The following CHD4 variants were observed in gnomAD, a reference collection of about 807,000 sequenced individuals.
CHD4 encodes the protein ATP-dependent chromatin remodeler CHD4.
CHD4 carries 35 observed loss-of-function variants against 235.5 expected under a neutral mutation model. That is an observed-to-expected ratio of 0.15 (90% CI 0.11 to 0.20). The LOEUF (loss-of-function observed/expected upper bound fraction) is 0.20. CHD4 is among the 10% of genes least tolerant of loss of function. CHD4 has a pLI of 1.00. For missense variants in CHD4, 1,329 were observed against 2,432.3 expected (o/e 0.55, Z 9.54); for synonymous variants, 900 against 850.2 (o/e 1.06, Z -1.02).
chr12:6,599,927 T>C lies in CHD4; in HGVS notation c.1328A>G (p.Glu443Gly). ...ILEEVGGDLE[E>G]EDDHHMEFCR... The stretch of plus-strand genomic sequence containing the variant: ...GAATTCCATATGGTGGTCATCCTCC[T>C]CTTCGAGGTCTCCCCCAACCTCTTC... The change falls in exon 10 of 40, where the codon GAG becomes GGG. Residue 443 changes from glutamate to glycine, a missense_variant. Physicochemically the swap from Glu to Gly is moderately conservative, Grantham distance 98 (BLOSUM62 -2). Transcript: ENST00000544040. 6.2e-7 allele frequency: 1 copy of C among 1,614,180 alleles called. No individual in the cohort carries two copies. Among genetic ancestry groups the C allele is most frequent in the Non-Finnish European group, 8.5e-7 (1 of 1,180,028 alleles).
rs1410197973 is a variant in CHD4, at chr12:6,602,499, T to C, written c.101-2A>G. The C allele has an allele frequency of 1.9e-6, 3 of 1,611,062 alleles. No individual in the cohort carries two copies. Among genetic ancestry groups the C allele is most frequent in the Admixed American group, 1.7e-5 (1 of 59,172 alleles). On this transcript the variant is annotated splice_acceptor_variant, in intron 2 of 39. Transcript: ENST00000544040. LOFTEE classifies it high-confidence loss of function. ...CCTCTTCTGGGTCCTCTTCATTTTC[T>C]ACATATATTTGGCAAAGAGTGGTAG...
chr12:6,581,760 C>A lies in CHD4; in HGVS notation c.4570G>T (p.Val1524Leu). 1 of 1,591,354 alleles carries A rather than the reference C, an allele frequency of 6.3e-7. No individual in the cohort carries two copies. The highest frequency in any genetic ancestry group is 8.6e-7 in the Non-Finnish European group (1 of 1,168,360). Residue 1524 changes from valine (V) to leucine (L), a missense_variant, in exon 31 of 40, where the codon GTG becomes TTG. Physicochemically the swap from Val to Leu is conservative, Grantham distance 32 (BLOSUM62 1). Coordinates refer to ENST00000544040, the MANE Select transcript of CHD4 (RefSeq NM_001273.5). ...TGGGACATCTTCTTGTTTTCCTCCA[C>A]CTCAGCCAGTTCAGGCATGCTCCAG... ...GRWSMPELAE[V>L]EENKKMSQPG...
chr12:6,599,307 T>C (rs1948550007), intron 10 of CHD4, among the ~76,000 whole-genome samples: 1 of 151,954 alleles, frequency 6.6e-6, no homozygotes, highest in Non-Finnish European at 1.5e-5. Flanking sequence ...TGTGGTGGCA[T>C]GCACCAGTAC....
chr12:6,577,537 CCAAA>C (rs773882148), intron 37 of CHD4, among the ~76,000 whole-genome samples: 48 of 152,252 alleles, frequency 3.2e-4, no homozygotes, highest in Admixed American at 7.2e-4. Flanking sequence ...GCAGTGTTCC[CCAAA>C]CAAACCCCTC....
intron 37 of CHD4, among the ~76,000 whole-genome samples, chr12:6,573,858 T>A (rs1948021539): frequency 6.6e-6 from 1 of 152,000 alleles, no homozygotes; most frequent in African/African-American, 2.4e-5. Flanking sequence ...ACCCCGTCTC[T>A]ACTAAAAACA....
intron 12 of CHD4, 81 bp downstream of exon 12, chr12:6,597,813 A>T: frequency 8.1e-7 from 1 of 1,231,318 alleles, no homozygotes; most frequent in Non-Finnish European, 1.2e-6. Flanking sequence ...AGTCTAAGTT[A>T]CTGGTGACAG....
At chr12:6,589,419 A>G (rs995908830) in intron 22 of CHD4, among the ~76,000 whole-genome samples, 1 of 152,222 alleles carries the variant, frequency 6.6e-6, no homozygotes, top group Non-Finnish European at 1.5e-5. Flanking sequence ...TCAAGTCATT[A>G]CCAGTAAGGG....
In CHD4 at chr12:6,570,444, C is replaced by T. The variant is rs912531996; in HGVS notation, c.*232G>A. 7 of 571,610 alleles carry T rather than the reference C, an allele frequency of 1.2e-5. No homozygotes were observed. Among genetic ancestry groups the T allele is most frequent in the African/African-American group, 3.8e-5 (2 of 53,070 alleles). 35.4% of individuals were successfully genotyped at this position (571,610 alleles called of 1,614,324 possible). On this transcript the variant is annotated 3_prime_UTR_variant, in exon 40 of 40. Coordinates refer to ENST00000544040, the MANE Select transcript of CHD4 (RefSeq NM_001273.5). ...GAAGCCAGGGTCCAGAAGGCCAGCC[C>T]GCCAGCTCCTGCAGATGGCGCCAGC...
chr12:6,587,265 T>A (rs1236128228), intron 25 of CHD4, 119 bp downstream of exon 25: 1 of 944,320 alleles, frequency 1.1e-6, no homozygotes, highest in Non-Finnish European at 1.6e-6. Context: ...AGAGGATCAA[T>A]TCATCAACAT....
In CHD4 at chr12:6,577,827, A is replaced by G. The variant is rs1299964927; in HGVS notation, c.5319T>C (p.Asn1773=). 1.2e-6 allele frequency: 2 copies of G among 1,614,234 alleles called. No homozygotes were observed. Among genetic ancestry groups the G allele is most frequent in the South Asian group, 1.1e-5 (1 of 91,088 alleles). ...EPFKGEMNRG[N]FLEIKNKFLA... is the part of the protein sequence containing the mutation. ...GAAATTTATTCTTGATCTCTAAGAA[A>G]TTGCCACGGTTCATTTCACCCTTGA... Residue 1773 remains asparagine (N), a synonymous_variant, in exon 37 of 40, where the codon AAT becomes AAC. Coordinates refer to ENST00000544040, the MANE Select transcript of CHD4 (RefSeq NM_001273.5).
chr12:6,601,896 G>C (rs1948598347), intron 4 of CHD4, 64 bp downstream of exon 4: 5 of 1,575,402 alleles, frequency 3.2e-6, no homozygotes, highest in Middle Eastern at 1.7e-4. Context: ...AGGGCAGTAA[G>C]GTGTCTAGGA....
In CHD4 at chr12:6,583,033, A is replaced by T; in HGVS notation, c.4141T>A (p.Ser1381Thr). 6.4e-7 allele frequency: 1 copy of T among 1,573,788 alleles called. No individual in the cohort carries two copies. Among genetic ancestry groups the T allele is most frequent in the South Asian group, 1.2e-5 (1 of 83,862 alleles). ...EEGDEDFDERSEAPRRPSRKG... is the reference protein window; with the variant it reads ...EEGDEDFDERTEAPRRPSRKG... ...AAAAAAGCACAGCCCTCACCTTCTG[A>T]ACGTTCATCAAAGTCTTCATCACCT... is the stretch of plus-strand genomic sequence containing the variant. The change falls in exon 27 of 40, where the codon TCA (serine) becomes ACA (threonine). Residue 1381 changes from serine (S) to threonine (T), a missense_variant. Coordinates refer to ENST00000544040, the MANE Select transcript of CHD4 (RefSeq NM_001273.5).
chr12:6,583,388 A>AG lies in CHD4; in HGVS notation c.3880-11dup. 1 of 1,598,046 alleles carries AG rather than the reference A, an allele frequency of 6.3e-7. No individual in the cohort carries two copies. The highest frequency in any genetic ancestry group is 8.5e-7 in the Non-Finnish European group (1 of 1,170,862). ...CTACCTCCTCTTCCTCCTGGGACAG[A>AG]GGGAGGGCCAGGACTCAGGAGTGCT... On this transcript the variant is annotated splice_polypyrimidine_tract_variant and intron_variant, in intron 25 of 39. Coordinates refer to ENST00000544040, the MANE Select transcript of CHD4 (RefSeq NM_001273.5).
At chr12:6,605,995 G>A (rs1232365918) in intron 2 of CHD4, among the ~76,000 whole-genome samples, 2 of 152,128 alleles carry the variant, frequency 1.3e-5, no homozygotes, top group African/African-American at 4.8e-5. Flanking sequence ...CCACATACCA[G>A]GTAATGCCTG....
At position 6,597,866 on chromosome 12, in the gene CHD4, G is replaced by A. The variant is rs375068038; in HGVS notation, c.1892+28C>T. The A allele has an allele frequency of 1.2e-4, 188 of 1,603,524 alleles. 1 individual carries two copies. The highest frequency in any genetic ancestry group is 9.3e-4 in the Admixed American group (56 of 59,984). On this transcript the variant is annotated intron_variant, in intron 12 of 39. Transcript: ENST00000544040. ...TTAGCAGGACTCTCCCACGGAGACT[G>A]CCCGTCTCCCGTGTGCTCAGCTGGT...
chr12:6,580,231 AC>A (rs879423531), intron 33 of CHD4: 23,269 of 147,770 alleles, frequency 0.16, 1,950 homozygotes, highest in African/African-American at 0.21. Context: ...CATCTCGAAA[AC>A]AACAACAACA....
chr12:6,582,484 C>T, intron 29 of CHD4, 131 bp downstream of exon 29: 2 of 1,400,988 alleles, frequency 1.4e-6, no homozygotes, highest in African/African-American at 1.4e-5. Context: ...ACATTACTAA[C>T]AGCTTCACCT....
At position 6,588,287 on chromosome 12, in the gene CHD4, C is replaced by T; in HGVS notation, c.3465+11G>A. ...TGTTACTTATTAAGGCTGCCTGCTG[C>T]CTCTGCTCACCTGAATGTCATTATG... is the stretch of plus-strand genomic sequence containing the variant. On this transcript the variant is annotated intron_variant, in intron 23 of 39. Transcript: ENST00000544040. 6.2e-7 allele frequency: 1 copy of T among 1,612,718 alleles called. No homozygotes were observed. Among genetic ancestry groups the T allele is most frequent in the Non-Finnish European group, 8.5e-7 (1 of 1,179,036 alleles).
rs557483303 is a variant in CHD4 at position 6,574,645 on chromosome 12, T to A, written c.5362-1376A>T. On this transcript the variant is annotated intron_variant, in intron 37 of 39. Coordinates refer to ENST00000544040, the MANE Select transcript of CHD4 (RefSeq NM_001273.5). The stretch of plus-strand genomic sequence containing the variant: ...CATGTACCTTCAGCACTGGTTCTGA[T>A]CCCACTAGTGTATGGTGATGGGGGT... Among the ~76,000 whole-genome samples the A allele has an allele frequency of 9.8e-5, 15 of 152,348 alleles. No individual in the cohort carries two copies. In the South Asian group the frequency reaches 3.1e-3, roughly 32 times the overall value.
Sources: allele counts gnomAD v4.1 joint callset (sites outside exome capture counted in the v4.1 genomes callset), GRCh38; gene constraint gnomAD v4.1.1; transcripts MANE v1.5; gene names NCBI Gene and HGNC (gene_info 2026-07-23, HGNC 2026-07-21).